Variants in CERT1 observed in about 807,000 individuals in gnomAD.
CERT1 encodes the protein ceramide transfer protein.
A neutral mutation model predicts 87.9 loss-of-function variants in CERT1; 31 were observed. The ratio of observed to expected loss-of-function variants is 0.35; its 90% CI spans 0.27 to 0.48. CERT1 has a LOEUF of 0.48. Among genes scored for constraint, CERT1 ranks in the 20% least tolerant of loss-of-function variants. The probability of loss-of-function intolerance (pLI) is 0.99; values close to 1 mark genes in which losing one functional copy is unlikely to be tolerated. For synonymous variants in CERT1, 289 were observed against 250.9 expected, an observed-to-expected ratio of 1.15 and a Z score of -1.44; for missense variants, 487 against 758.0, an observed-to-expected ratio of 0.64 and a Z score of 4.20.
intron 2 of CERT1, among the ~76,000 whole-genome samples, chr5:75,500,080 T>C (rs78713919): frequency 1.3e-5 from 2 of 152,136 alleles, no homozygotes; most frequent in African/African-American, 4.8e-5. Flanking sequence ...CATGTGTACA[T>C]GCAGACAGAG....
intron 2 of CERT1, among the ~76,000 whole-genome samples, chr5:75,477,647 T>TAAAAAAAAAAAAAAAAAAAAAAA (rs540588442): frequency 2.2e-5 from 2 of 89,522 alleles, no homozygotes; most frequent in African/African-American, 4.3e-5. Flanking sequence ...TAATAAGTTG[T>TAAAAAAAAAAAAAAAAAAAAAAA]AAAAAAAAAA....
intron 3 of CERT1, among the ~76,000 whole-genome samples, chr5:75,440,617 A>C (rs1241045439): frequency 1.3e-5 from 2 of 152,156 alleles, no homozygotes; most frequent in African/African-American, 4.8e-5. Context: ...CAAAATGCTA[A>C]AGTGACATGA....
intron 10 of CERT1, 83 bp downstream of exon 10, chr5:75,400,122 C>G (rs958585595): frequency 9.5e-7 from 1 of 1,048,146 alleles, no homozygotes; most frequent in Non-Finnish European, 1.4e-6. Context: ...CAGAGTGAGA[C>G]TCCGTCTCAA....
At chr5:75,491,348 T>G (rs989543921) in intron 2 of CERT1, among the ~76,000 whole-genome samples, 6 of 152,134 alleles carry the variant, frequency 3.9e-5, no homozygotes, top group African/African-American at 1.4e-4. Flanking sequence ...TCCAAAGAAC[T>G]CTTTTGTTTT....
chr5:75,459,079 T>C lies in CERT1; in HGVS notation c.334A>G (p.Ile112Val), dbSNP rs1218671727. Residue 112 changes from isoleucine (I) to valine (V), a missense_variant, in exon 3 of 17, where the codon ATT (isoleucine) becomes GTT (valine). By Grantham distance (29) the Ile-to-Val change is conservative. This residue lies in a region of CERT1 where 173 missense variants were observed against 302.2 expected (regional missense o/e 0.57). Transcript: ENST00000643780. ...AGGGATCTTACCTTGTGCTGTTCAA[T>C]GGCATCTATCCATTGCTGTCTATGA... The part of the protein sequence containing the change: ...PDHRQQWIDA[I>V]EQHKTESGYG... The C allele has an allele frequency of 3.1e-6, 5 of 1,599,796 alleles. No homozygotes were observed. The highest frequency in any genetic ancestry group is 4.3e-6 in the Non-Finnish European group (5 of 1,167,120).
intron 3 of CERT1, among the ~76,000 whole-genome samples, chr5:75,454,299 AT>A (rs1764881478): frequency 6.6e-6 from 1 of 152,178 alleles, no homozygotes; most frequent in African/African-American, 2.4e-5. Flanking sequence ...CAGTTTTTGC[AT>A]TGTTGAAATT....
intron 2 of CERT1, among the ~76,000 whole-genome samples, chr5:75,471,063 T>C (rs1765685792): frequency 6.6e-6 from 1 of 152,116 alleles, no homozygotes; most frequent in Admixed American, 6.5e-5. Context: ...CTGAAAACTA[T>C]AAAACATTCA....
chr5:75,438,960 T>C (rs1369794035), intron 3 of CERT1, among the ~76,000 whole-genome samples: 1 of 151,666 alleles, frequency 6.6e-6, no homozygotes, highest in East Asian at 1.9e-4. Context: ...AGCCTGAACA[T>C]GTTTTTAAAT....
chr5:75,405,186 G>A (rs1291008115), intron 8 of CERT1, among the ~76,000 whole-genome samples: 2 of 152,076 alleles, frequency 1.3e-5, no homozygotes, highest in Non-Finnish European at 2.9e-5. Context: ...CTAAGGGCAG[G>A]AGCTACTTAT....
At chr5:75,439,056 T>C (rs1764206573) in intron 3 of CERT1, among the ~76,000 whole-genome samples, 2 of 151,844 alleles carry the variant, frequency 1.3e-5, no homozygotes, top group Non-Finnish European at 1.5e-5. Context: ...CAAAAAAAAA[T>C]AGTAACCTTT....
intron 3 of CERT1, among the ~76,000 whole-genome samples, chr5:75,427,890 A>C (rs1763689630): frequency 6.6e-6 from 1 of 152,236 alleles, no homozygotes. Context: ...TCTACTCAAT[A>C]AACAAGTGGT....
At chr5:75,379,709 C>T (rs752454212) in intron 16 of CERT1, among the ~76,000 whole-genome samples, 1 of 152,092 alleles carries the variant, frequency 6.6e-6, no homozygotes, top group Non-Finnish European at 1.5e-5. Flanking sequence ...CCTCAGCCTC[C>T]GGAGTAGCTG....
intron 3 of CERT1, among the ~76,000 whole-genome samples, chr5:75,435,915 T>A (rs1580767874): frequency 6.6e-6 from 1 of 151,954 alleles, no homozygotes; most frequent in Admixed American, 6.6e-5. Context: ...GCAGTGGGGG[T>A]CCTTGCTCAT....
chr5:75,379,445 T>C lies in CERT1; in HGVS notation c.1776A>G (p.Ser592=). 6.2e-7 allele frequency: 1 copy of C among 1,613,812 alleles called. No individual in the cohort carries two copies. The highest frequency in any genetic ancestry group is 8.5e-7 in the Non-Finnish European group (1 of 1,179,806). The part of the protein sequence containing the change: ...NVNPGGWAPA[S]VLRAVAKREY... Reference sequence around the variant, plus strand: ...CTCGCTTTGCCACTGCCCTTAACACTGAGGCTGGTGCCCATCCTCCAGGGT... The same window carrying C: ...CTCGCTTTGCCACTGCCCTTAACACCGAGGCTGGTGCCCATCCTCCAGGGT... The change falls in exon 17 of 17, where the codon TCA becomes TCG. Residue 592 remains serine, a synonymous_variant. Transcript: ENST00000643780.
chr5:75,425,539 C>T (rs756818107), intron 4 of CERT1, 40 bp from the exon 5 acceptor site: 6 of 1,600,878 alleles, frequency 3.7e-6, no homozygotes, highest in Admixed American at 1.7e-5. Flanking sequence ...TCAAGTAAAA[C>T]AAAACTGGAT....
chr5:75,444,061 T>C (rs1396880702), intron 3 of CERT1, among the ~76,000 whole-genome samples: 2 of 152,162 alleles, frequency 1.3e-5, no homozygotes, highest in Non-Finnish European at 2.9e-5. Flanking sequence ...AGACAGCATA[T>C]AGTTGATCAT....
intron 3 of CERT1, among the ~76,000 whole-genome samples, chr5:75,444,994 C>G (rs759310578): frequency 8.5e-5 from 13 of 152,162 alleles, no homozygotes; most frequent in Non-Finnish European, 1.5e-4. Context: ...AGCTTAACTT[C>G]AGTAACATAC....
intron 16 of CERT1, among the ~76,000 whole-genome samples, chr5:75,380,166 T>C (rs1282314878): frequency 1.3e-5 from 2 of 151,680 alleles, no homozygotes; most frequent in African/African-American, 2.4e-5. Flanking sequence ...ATGAGAGAGG[T>C]TGCAATGATT....
intron 11 of CERT1, among the ~76,000 whole-genome samples, chr5:75,398,903 T>C (rs1762361650): frequency 6.6e-6 from 1 of 152,196 alleles, no homozygotes; most frequent in South Asian, 2.1e-4. Flanking sequence ...TTGTTGAATA[T>C]AATTTGGAGA....
Sources: allele counts gnomAD v4.1 joint callset (sites outside exome capture counted in the v4.1 genomes callset), GRCh38; gene constraint gnomAD v4.1.1; regional missense constraint gnomAD v4.1.1; transcripts MANE v1.5; gene names NCBI Gene and HGNC (gene_info 2026-07-23, HGNC 2026-07-21).